The following ODR4 variants were observed in gnomAD, a reference collection of about 807,000 sequenced individuals.
ODR4 encodes protein odr-4 homolog.
Under a neutral mutation model 60.2 loss-of-function variants are expected in ODR4, and 47 were observed. The ratio of observed to expected loss-of-function variants is 0.78; its 90% CI spans 0.62 to 1.00. The LOEUF is 1.00. Ranked by LOEUF, ODR4 falls within the 50% of genes least tolerant of loss-of-function variation. The probability of loss-of-function intolerance (pLI) is 0.00; values close to 1 mark genes in which losing one functional copy is unlikely to be tolerated. For missense variants in ODR4, 488 were observed against 530.8 expected (o/e 0.92, Z 0.79); for synonymous variants, 178 against 175.5 (o/e 1.01, Z -0.11).
At chr1:186,382,582 C>G (rs368931051) in intron 2 of ODR4, among the ~76,000 whole-genome samples, 2 of 152,166 alleles carry the variant, frequency 1.3e-5, no homozygotes, top group South Asian at 2.1e-4. Context: ...GTCATCATTT[C>G]AATTAAAATA....
chr1:186,400,333 A>G (rs1380201982), intron 11 of ODR4, among the ~76,000 whole-genome samples: 7 of 151,444 alleles, frequency 4.6e-5, no homozygotes, highest in Non-Finnish European at 7.4e-5. Flanking sequence ...TGCAATTCAC[A>G]TTTAGATATG....
rs1192071954 is a variant in ODR4 at position 186,406,071 on chromosome 1, T to C, written c.1001-12T>C. On this transcript the variant is annotated splice_polypyrimidine_tract_variant and intron_variant, in intron 11 of 13. Coordinates refer to ENST00000287859, the MANE Select transcript of ODR4 (RefSeq NM_017847.6). Reference sequence around the variant, plus strand: ...CCTATCTAAATATTGATAATATTTCTTTTCCTTTTAGATTCTGAAAAAGAG... The same window carrying C: ...CCTATCTAAATATTGATAATATTTCCTTTCCTTTTAGATTCTGAAAAAGAG... The C allele has an allele frequency of 1.3e-6, 2 of 1,528,698 alleles. No individual in the cohort carries two copies. The highest frequency in any genetic ancestry group is 8.8e-7 in the Non-Finnish European group (1 of 1,136,202). 94.7% of individuals were successfully genotyped at this position (1,528,698 alleles called of 1,614,324 possible).
At chr1:186,398,680 C>G (rs1395721912) in intron 10 of ODR4, among the ~76,000 whole-genome samples, 5 of 152,050 alleles carry the variant, frequency 3.3e-5, no homozygotes, top group East Asian at 1.9e-4. Flanking sequence ...CACTGTTATA[C>G]ATATTAGTAT....
chr1:186,392,273 C>G (rs1482721040), intron 8 of ODR4, among the ~76,000 whole-genome samples: 3 of 152,186 alleles, frequency 2.0e-5, no homozygotes, highest in Non-Finnish European at 4.4e-5. Context: ...ACCCAGCAAT[C>G]CTATTACTGG....
intron 2 of ODR4, among the ~76,000 whole-genome samples, chr1:186,381,707 C>T (rs1432794678): frequency 6.6e-6 from 1 of 152,186 alleles, no homozygotes; most frequent in East Asian, 1.9e-4. Flanking sequence ...CAGTATTCTA[C>T]GTGCTTTTTC....
intron 3 of ODR4, among the ~76,000 whole-genome samples, chr1:186,385,628 T>A (rs1558063532): frequency 6.6e-6 from 1 of 152,048 alleles, no homozygotes; most frequent in Non-Finnish European, 1.5e-5. Flanking sequence ...ATAGCCTCAT[T>A]TGACACTACT....
At chr1:186,397,581 A>G (rs919731182) in intron 9 of ODR4, among the ~76,000 whole-genome samples, 1 of 152,316 alleles carries the variant, frequency 6.6e-6, no homozygotes, top group African/African-American at 2.4e-5. Context: ...CCAAAAATCT[A>G]AAATCTTATA....
chr1:186,395,557 A>AG (rs1660639599), intron 9 of ODR4, among the ~76,000 whole-genome samples: 1 of 152,116 alleles, frequency 6.6e-6, no homozygotes, highest in Admixed American at 6.5e-5. Flanking sequence ...TGTAGTATTA[A>AG]GCTTTTCTTT....
At chr1:186,377,783 C>T (rs768734883) in intron 1 of ODR4, among the ~76,000 whole-genome samples, 7 of 152,158 alleles carry the variant, frequency 4.6e-5, no homozygotes, top group Non-Finnish European at 7.4e-5. Context: ...TGGTGACTCA[C>T]ACCTGTAATC....
intron 10 of ODR4, among the ~76,000 whole-genome samples, 188 bp from the exon 11 acceptor site, chr1:186,398,766 A>C (rs1253823523): frequency 6.6e-6 from 1 of 152,216 alleles, no homozygotes; most frequent in Non-Finnish European, 1.5e-5. Flanking sequence ...ATTTAGATAA[A>C]TTTATCATTA....
intron 10 of ODR4, 87 bp downstream of exon 10, chr1:186,398,528 T>C (rs1481566023): frequency 3.1e-6 from 4 of 1,285,328 alleles, no homozygotes; most frequent in Non-Finnish European, 4.2e-6. Context: ...TTATATTTTG[T>C]AATTATTAAT....
In ODR4 at chr1:186,401,149, C is replaced by G. The variant is rs180959681; in HGVS notation, c.1000+2105C>G. The G allele has an allele frequency of 5.7e-3, 9,083 of 1,595,472 alleles. 34 individuals are homozygous for G. Among genetic ancestry groups the G allele is most frequent in the Middle Eastern group, 7.0e-3 (41 of 5,862 alleles). On this transcript the variant is annotated intron_variant, in intron 11 of 13. Transcript: ENST00000287859. ...TATAAAAGTGGTATTATATGGCTAT[C>G]CTGGTATTCTTTCATATTGTTAGTA... is the stretch of plus-strand genomic sequence containing the variant.
In ODR4 at chr1:186,391,717, A is replaced by C. The variant is rs773103926; in HGVS notation, c.637A>C (p.Lys213Gln). 2 of 1,602,500 alleles carry C rather than the reference A, an allele frequency of 1.2e-6. No individual in the cohort carries two copies. Among genetic ancestry groups the C allele is most frequent in the South Asian group, 2.3e-5 (2 of 88,526 alleles). Reference sequence around the variant, plus strand: ...TAAGAATGGACTTACACGCTGGGCCAAGGAAATAGAAAATGGTGTTTATTT... The same window carrying C: ...TAAGAATGGACTTACACGCTGGGCCCAGGAAATAGAAAATGGTGTTTATTT... ...NTKNGLTRWA[K>Q]EIENGVYLIN... Residue 213 changes from lysine (K) to glutamine (Q), a missense_variant, in exon 8 of 14, where the codon AAG (lysine) becomes CAG (glutamine). Physicochemically the swap from Lys to Gln is moderately conservative, Grantham distance 53. Transcript: ENST00000287859.
At chr1:186,431,546 G>T in the ODR4 span, among the ~76,000 whole-genome samples, 18 of 151,966 alleles carry the variant, frequency 1.2e-4, no homozygotes, top group Non-Finnish European at 2.4e-4. Context: ...GTAATTAGAA[G>T]GTCAATATTT....
chr1:186,379,987 A>T, intron 2 of ODR4, 103 bp downstream of exon 2: 1 of 638,176 alleles, frequency 1.6e-6, no homozygotes. Context: ...TTAATAATAA[A>T]CTCAAGATTG....
rs1558056314 is a variant in ODR4 at position 186,379,806 on chromosome 1, A to G, written c.21A>G (p.Val7=). 1.2e-6 allele frequency: 2 copies of G among 1,600,992 alleles called. No homozygotes were observed. The highest frequency in any genetic ancestry group is 1.4e-5 in the African/African-American group (1 of 74,026). The stretch of plus-strand genomic sequence containing the variant: ...TAAAAATGGGAAGAACCTACATTGT[A>G]GAAGAGACTGTTGGCCAGTATCTTT... MGRTYI[V]EETVGQYLSN... Residue 7 remains valine (V), a synonymous_variant, in exon 2 of 14, where the codon GTA becomes GTG. Transcript: ENST00000287859.
the ODR4 span, among the ~76,000 whole-genome samples, chr1:186,431,240 G>A: frequency 6.6e-6 from 1 of 152,144 alleles, no homozygotes; most frequent in African/African-American, 2.4e-5. Flanking sequence ...TCTTCCAAGA[G>A]TGAAGGATGA....
intron 11 of ODR4, among the ~76,000 whole-genome samples, chr1:186,404,147 T>A (rs1408853155): frequency 6.6e-6 from 1 of 152,336 alleles, no homozygotes; most frequent in Middle Eastern, 3.4e-3. Context: ...AAAATTTTTT[T>A]ATTTGTTTTG....
chr1:186,407,816 C>T (rs997257544), intron 12 of ODR4, among the ~76,000 whole-genome samples: 6 of 151,984 alleles, frequency 3.9e-5, no homozygotes, highest in Admixed American at 2.0e-4. Context: ...GTTTGCTTTC[C>T]GGTAGATTAG....
Sources: allele counts gnomAD v4.1 joint callset (sites outside exome capture counted in the v4.1 genomes callset), GRCh38; gene constraint gnomAD v4.1.1; transcripts MANE v1.5; gene names NCBI Gene and HGNC (gene_info 2026-07-23, HGNC 2026-07-21).